Variants in GLIPR1 observed in about 807,000 individuals in gnomAD.
The protein encoded by GLIPR1 is GLI pathogenesis related 1, also known as glioma pathogenesis-related protein 1.
GLIPR1 carries 38 observed loss-of-function variants against 30.3 expected under a neutral mutation model. The ratio of observed to expected loss-of-function variants is 1.26; its 90% CI spans 0.97 to 1.65. GLIPR1 has a LOEUF of 1.65. Ranked by LOEUF, GLIPR1 falls within the 40% of genes most tolerant of loss-of-function variation. The pLI, the probability that GLIPR1 is intolerant of heterozygous loss-of-function variation, is 0.00. For synonymous variants in GLIPR1, 122 were observed against 110.6 expected (o/e 1.10, Z -0.65); for missense variants, 285 against 326.5 (o/e 0.87, Z 0.98).
rs778032105 is a variant in GLIPR1, at chr12:75,501,903, C to T, written c.*2925C>T. 1.1e-5 allele frequency: 17 copies of T among 1,605,608 alleles called. No homozygotes were observed. The South Asian group carries it at 1.3e-4, about 12-fold the overall frequency. On this transcript the variant is annotated 3_prime_UTR_variant, in exon 6 of 6. Transcript: ENST00000266659. ...CTATGAACTTTGCTATTCATGTGAG[C>T]CAGACATAAAGTGCCGTACCTTTAT... is the stretch of plus-strand genomic sequence containing the variant.
rs202112160 is a variant in GLIPR1 at position 75,495,697 on chromosome 12, A to G, written c.619+35A>G. 4.3e-5 allele frequency: 50 copies of G among 1,154,108 alleles called. No homozygotes were observed. In the South Asian group the frequency reaches 5.9e-4, roughly 14 times the overall value. The allele number at this position is 1,154,108 out of a possible 1,614,324, so 71.5% of individuals were successfully genotyped here. On this transcript the variant is annotated intron_variant, in intron 4 of 5. Coordinates refer to ENST00000266659, the MANE Select transcript of GLIPR1 (RefSeq NM_006851.3). ...AGGAACAATACACCAATAGAATAAC[A>G]TAATAGTAACATGTAACTTTCTACA...
chr12:75,485,241 AT>A (rs1427152082), intron 2 of GLIPR1, among the ~76,000 whole-genome samples: 1 of 152,202 alleles, frequency 6.6e-6, no homozygotes, highest in African/African-American at 2.4e-5. Flanking sequence ...TCCTCACAAA[AT>A]GTATGATATT....
chr12:75,481,903 C>T lies in GLIPR1; in HGVS notation c.244C>T (p.Arg82Trp), dbSNP rs138690767. 2,104 of 1,614,088 alleles carry T rather than the reference C, an allele frequency of 1.3e-3. 1 individual carries two copies. Among genetic ancestry groups the T allele is most frequent in the Non-Finnish European group, 1.6e-3 (1,883 of 1,179,932 alleles). ...ASNCQFSHNT[R>W]LKPPHKLHPN... Reference sequence around the variant, plus strand: ...CAATTGCCAGTTTTCACATAATACACGGCTGAAGCCACCCCACAAGCTGCA... The same window carrying T: ...CAATTGCCAGTTTTCACATAATACATGGCTGAAGCCACCCCACAAGCTGCA... The change falls in exon 2 of 6, where the codon CGG (arginine) becomes TGG (tryptophan). Residue 82 changes from arginine (R) to tryptophan (W), a missense_variant. Transcript: ENST00000266659.
rs1173000975 is a variant in GLIPR1 at position 75,490,233 on chromosome 12, A to ACACACC, written c.421-172_421-171insACACCC. ...CACACACACACACACACACACACACACCCCAATAATGGTAACTACAGGTCT... is the reference window on the plus strand; with the variant it reads ...CACACACACACACACACACACACACACACACCCCCCAATAATGGTAACTACAGGTCT... On this transcript the variant is annotated intron_variant, in intron 2 of 5. Transcript: ENST00000266659. Among the ~76,000 whole-genome samples the ACACACC allele has an allele frequency of 3.0e-3, 429 of 145,392 alleles. 2 individuals are homozygous for ACACACC. The highest frequency in any genetic ancestry group is 0.01 in the African/African-American group (395 of 38,922).
At chr12:75,495,755 G>A (rs547112128) in intron 4 of GLIPR1, 93 bp downstream of exon 4, 5 of 736,472 alleles carry the variant, frequency 6.8e-6, no homozygotes, top group Middle Eastern at 2.5e-4. Context: ...TTATCTTAAC[G>A]GCTATCTTCA....
At position 75,490,403 on chromosome 12, in the gene GLIPR1, C is replaced by T. The variant is rs572148326; in HGVS notation, c.421-3C>T. ...TCTGTTAAAAATCCTTATTTCCTTT[C>T]AGGTTGTTTGGGCAGATAGTTACAA... On this transcript the variant is annotated splice_polypyrimidine_tract_variant and splice_region_variant and intron_variant, in intron 2 of 5. Transcript: ENST00000266659. 5 of 1,526,152 alleles carry T rather than the reference C, an allele frequency of 3.3e-6. No homozygotes were observed. In the African/African-American group the frequency reaches 5.5e-5, roughly 17 times the overall value. 94.5% of individuals were successfully genotyped at this position (1,526,152 alleles called of 1,614,324 possible).
chr12:75,499,166 A>T lies in GLIPR1; in HGVS notation c.*188A>T. 2 of 429,614 alleles carry T rather than the reference A, an allele frequency of 4.7e-6. No homozygotes were observed. The highest frequency in any genetic ancestry group is 9.5e-5 in the South Asian group (2 of 20,994). 26.6% of individuals were successfully genotyped at this position (429,614 alleles called of 1,614,324 possible). ...GATAAACTCATCTTTAGTATAAATA[A>T]GCATTATTTGCAGGTTGCCACAGGT... On this transcript the variant is annotated 3_prime_UTR_variant, in exon 6 of 6. Coordinates refer to ENST00000266659, the MANE Select transcript of GLIPR1 (RefSeq NM_006851.3).
At chr12:75,488,509 C>G (rs890024568) in intron 2 of GLIPR1, among the ~76,000 whole-genome samples, 1 of 152,272 alleles carries the variant, frequency 6.6e-6, no homozygotes, top group East Asian at 1.9e-4. Flanking sequence ...TGCACTCCAG[C>G]CTGGGCAACA....
At chr12:75,483,977 G>A (rs556860231) in intron 2 of GLIPR1, 1 of 152,118 alleles carries the variant, frequency 6.6e-6, no homozygotes, top group Admixed American at 6.5e-5. Context: ...ATCGAAAGAA[G>A]AGAACATTTG....
rs1002205769 is a variant in GLIPR1, at chr12:75,500,011, A to G, written c.*1033A>G. On this transcript the variant is annotated 3_prime_UTR_variant, in exon 6 of 6. Transcript: ENST00000266659. ...TTAGATTTTACCAAGTAAAACAAAGAATATATGTTTAACAAAGAATATATG... is the reference window on the plus strand; with the variant it reads ...TTAGATTTTACCAAGTAAAACAAAGGATATATGTTTAACAAAGAATATATG... 1 of 1,328,658 alleles carries G rather than the reference A, an allele frequency of 7.5e-7. No individual in the cohort carries two copies. Among genetic ancestry groups the G allele is most frequent in the Non-Finnish European group, 1.0e-6 (1 of 967,716 alleles). The allele number at this position is 1,328,658 out of a possible 1,614,324, so 82.3% of individuals were successfully genotyped here.
chr12:75,503,139 G>T lies in GLIPR1; in HGVS notation c.*4161G>T. 1 of 152,264 alleles carries T rather than the reference G, an allele frequency of 6.6e-6. No individual in the cohort carries two copies. 9.4% of individuals were successfully genotyped at this position (152,264 alleles called of 1,614,324 possible). The stretch of plus-strand genomic sequence containing the variant: ...ATTCAAAGAACACATAGAAGAGGCT[G>T]ATGCAGGTGGAAGAAAACCCATACG... On this transcript the variant is annotated 3_prime_UTR_variant, in exon 6 of 6. Coordinates refer to ENST00000266659, the MANE Select transcript of GLIPR1 (RefSeq NM_006851.3).
chr12:75,495,523 G>C (rs2046344826), intron 3 of GLIPR1, 54 bp from the exon 4 acceptor site: 2 of 892,396 alleles, frequency 2.2e-6, no homozygotes, highest in Non-Finnish European at 3.8e-6. Flanking sequence ...ATAGTAAATT[G>C]CAATTTTAAA....
Position 75,503,664 on chromosome 12 carries a change from C to A in GLIPR1, c.*4686C>A. 1 of 331,612 alleles carries A rather than the reference C, an allele frequency of 3.0e-6. No homozygotes were observed. 20.5% of individuals were successfully genotyped at this position (331,612 alleles called of 1,614,324 possible). ...ATCCATGGAACATTTACAGTGGCTA[C>A]AGGGTCACAAACCTCCTGGATGCAG... On this transcript the variant is annotated 3_prime_UTR_variant, in exon 6 of 6. Coordinates refer to ENST00000266659, the MANE Select transcript of GLIPR1 (RefSeq NM_006851.3).
In GLIPR1 at chr12:75,499,852, A is replaced by C. The variant is rs772040272; in HGVS notation, c.*874A>C. The stretch of plus-strand genomic sequence containing the variant: ...TTTCTTTTCATCTGCCTCCATCTTA[A>C]GTGCAATTTCTTCAGCTGTAAGAGC... On this transcript the variant is annotated 3_prime_UTR_variant, in exon 6 of 6. Coordinates refer to ENST00000266659, the MANE Select transcript of GLIPR1 (RefSeq NM_006851.3). The C allele has an allele frequency of 6.2e-7, 1 of 1,607,986 alleles. No individual in the cohort carries two copies. Among genetic ancestry groups the C allele is most frequent in the Admixed American group, 1.7e-5 (1 of 59,520 alleles).
intron 4 of GLIPR1, chr12:75,496,186 CT>C (rs1363497220): frequency 6.6e-6 from 1 of 151,826 alleles, no homozygotes; most frequent in African/African-American, 2.4e-5. Flanking sequence ...CAAAAACCCC[CT>C]CTACTAAAAA....
chr12:75,487,517 G>A (rs2046299073), intron 2 of GLIPR1, among the ~76,000 whole-genome samples: 1 of 152,160 alleles, frequency 6.6e-6, no homozygotes, highest in East Asian at 1.9e-4. Flanking sequence ...ATAAAGAAAT[G>A]TTTCTAGGGA....
In GLIPR1 at chr12:75,498,707, A is replaced by T; in HGVS notation, c.633A>T (p.Arg211=). The part of the protein sequence containing the change: ...CLDNLCVNRQ[R]DQVKRYYSVV... Reference sequence around the variant, plus strand: ...CTAACTTTACAGTTAACCGACAGCGAGACCAAGTCAAACGTACGTACATCA... The same window carrying T: ...CTAACTTTACAGTTAACCGACAGCGTGACCAAGTCAAACGTACGTACATCA... The change falls in exon 5 of 6, where the codon CGA becomes CGT. Residue 211 remains arginine, a synonymous_variant. Coordinates refer to ENST00000266659, the MANE Select transcript of GLIPR1 (RefSeq NM_006851.3). The T allele has an allele frequency of 6.2e-7, 1 of 1,612,976 alleles. No homozygotes were observed. The highest frequency in any genetic ancestry group is 8.5e-7 in the Non-Finnish European group (1 of 1,179,144).
intron 2 of GLIPR1, among the ~76,000 whole-genome samples, chr12:75,485,978 A>T (rs1163628852): frequency 6.6e-6 from 1 of 152,066 alleles, no homozygotes; most frequent in Admixed American, 6.5e-5. Context: ...CCTATAAGGG[A>T]GACATCTTCC....
At chr12:75,486,722 A>G (rs1284843504) in intron 2 of GLIPR1, among the ~76,000 whole-genome samples, 1 of 152,254 alleles carries the variant, frequency 6.6e-6, no homozygotes, top group Non-Finnish European at 1.5e-5. Flanking sequence ...AGCCAGATTC[A>G]AAAAGCTATA....
Sources: gnomAD v4.1 joint callset for allele counts (sites outside exome capture counted in the v4.1 genomes callset) on GRCh38, gnomAD v4.1.1 for gene constraint, MANE v1.5 for transcripts, NCBI Gene and HGNC (gene_info 2026-07-23, HGNC 2026-07-21) for gene names.